Variants in ERG observed in about 807,000 individuals in gnomAD.
The protein encoded by ERG is transcriptional regulator ERG.
ERG carries 9 observed loss-of-function variants against 55.3 expected under a neutral mutation model. That is an observed-to-expected ratio of 0.16 (90% CI 0.10 to 0.28). The LOEUF (loss-of-function observed/expected upper bound fraction) is 0.28. Among genes scored for constraint, ERG ranks in the 10% least tolerant of loss-of-function variants. The pLI, the probability that ERG is intolerant of heterozygous loss-of-function variation, is 1.00. For synonymous variants in ERG, 223 were observed against 237.3 expected (o/e 0.94, Z 0.55); for missense variants, 434 against 631.6 (o/e 0.69, Z 3.35).
intron 2 of ERG, among the ~76,000 whole-genome samples, chr21:38,523,909 G>A (rs1213480288): frequency 6.6e-6 from 1 of 152,166 alleles, no homozygotes; most frequent in East Asian, 1.9e-4. Flanking sequence ...CTCATAAACA[G>A]AAACAGAGAG....
intron 1 of ERG, among the ~76,000 whole-genome samples, chr21:38,482,381 A>C (rs1478688794): frequency 1.3e-5 from 2 of 152,226 alleles, no homozygotes; most frequent in Admixed American, 1.3e-4. Context: ...GTTGGCGAGA[A>C]TGTGAGAAAA....
chr21:38,551,123 T>G (rs1669408527), intron 2 of ERG, among the ~76,000 whole-genome samples: 2 of 152,002 alleles, frequency 1.3e-5, no homozygotes, highest in African/African-American at 4.8e-5. Flanking sequence ...TTTTCTAATT[T>G]TTGTGCACAG....
intron 2 of ERG, among the ~76,000 whole-genome samples, chr21:38,560,397 C>A (rs113961856): frequency 6.6e-6 from 1 of 152,274 alleles, no homozygotes. Context: ...CAGCCCTGAG[C>A]CAATCACTGA....
At chr21:38,508,020 A>C (rs112074884) in intron 2 of ERG, among the ~76,000 whole-genome samples, 133 of 1,796 alleles carry the variant, frequency 0.074, 21 homozygotes, top group Non-Finnish European at 0.11. Context: ...GAGACACACA[A>C]ACACACATGC....
At chr21:38,436,647 T>C (rs1462657294) in intron 2 of ERG, among the ~76,000 whole-genome samples, 1 of 152,218 alleles carries the variant, frequency 6.6e-6, no homozygotes, top group Non-Finnish European at 1.5e-5. Flanking sequence ...TCATAGATGT[T>C]TGAGAAAACT....
chr21:38,562,981 G>C (rs1259926024), intron 2 of ERG, among the ~76,000 whole-genome samples: 1 of 152,152 alleles, frequency 6.6e-6, no homozygotes, highest in Admixed American at 6.6e-5. Context: ...AAGACGAGGA[G>C]GAAGCTTAAA....
At position 38,450,336 on chromosome 21, in the gene ERG, C is replaced by T. The variant is rs532154135; in HGVS notation, c.19-4715G>A. On this transcript the variant is annotated intron_variant, in intron 1 of 9. Transcript: ENST00000288319. The stretch of plus-strand genomic sequence containing the variant: ...GAGGTTGCAGTGAGCCGGGATCACG[C>T]GACTGCACTCCAGCCGAGGTGACAG... Among the ~76,000 whole-genome samples, 67 of 151,676 alleles carry T rather than the reference C, an allele frequency of 4.4e-4. 2 individuals carry two copies. The highest frequency in any genetic ancestry group is 1.9e-4 in the East Asian group (1 of 5,148).
At chr21:38,449,637 A>G (rs1036770211) in intron 1 of ERG, among the ~76,000 whole-genome samples, 3 of 152,218 alleles carry the variant, frequency 2.0e-5, no homozygotes, top group African/African-American at 7.2e-5. Flanking sequence ...GCATACTGAC[A>G]TTTTCAGCAA....
chr21:38,516,442 A>T (rs1413624773), intron 2 of ERG, among the ~76,000 whole-genome samples: 1 of 152,012 alleles, frequency 6.6e-6, no homozygotes, highest in Non-Finnish European at 1.5e-5. Flanking sequence ...AAACTACAAA[A>T]CACTAATGAA....
At chr21:38,400,159 G>A in intron 6 of ERG, 1 of 404,770 alleles carries the variant, frequency 2.5e-6, no homozygotes, top group Non-Finnish European at 4.7e-6. Context: ...ACTACTGGTT[G>A]CATGCTTCTG....
chr21:38,548,298 A>C (rs896897354), intron 2 of ERG, among the ~76,000 whole-genome samples: 1 of 152,128 alleles, frequency 6.6e-6, no homozygotes, highest in Admixed American at 6.6e-5. Flanking sequence ...AACAGCTTTT[A>C]TTTTATTGTG....
chr21:38,455,584 T>C (rs1251381222), intron 1 of ERG, among the ~76,000 whole-genome samples: 1 of 152,180 alleles, frequency 6.6e-6, no homozygotes, highest in Non-Finnish European at 1.5e-5. Context: ...GCATCTGGAA[T>C]GTGTCTCATC....
rs753079929 is a variant in ERG at position 38,383,635 on chromosome 21, G to A, written c.1208C>T (p.Pro403Leu). ...HGIAQALQPH[P>L]PESSLYKYPS... ...GTACTTGTACAGAGATGACTCCGGG[G>A]GGTGGGGCTGGAGGGCCTGGGCGAT... Residue 403 changes from proline (P) to leucine (L), a missense_variant, in exon 10 of 10, where the codon CCC becomes CTC. By Grantham distance (98) the Pro-to-Leu change is moderately conservative (BLOSUM62 -3). This residue lies in a region of ERG where 107 missense variants were observed against 126.8 expected (regional missense o/e 0.84). Transcript: ENST00000288319. The surrounding 1 kb of genome is among the most constrained non-coding windows in gnomAD (Gnocchi z 5.7). 6.2e-7 allele frequency: 1 copy of A among 1,614,168 alleles called. No individual in the cohort carries two copies. The highest frequency in any genetic ancestry group is 8.5e-7 in the Non-Finnish European group (1 of 1,180,022).
chr21:38,596,530 G>A (rs2060132586), intron 1 of ERG, among the ~76,000 whole-genome samples: 1 of 152,178 alleles, frequency 6.6e-6, no homozygotes, highest in African/African-American at 2.4e-5. Flanking sequence ...CAGGAAGAGT[G>A]GAAAGATTAA....
At chr21:38,368,017 A>G in the ERG span, among the ~76,000 whole-genome samples, 3 of 152,318 alleles carry the variant, frequency 2.0e-5, no homozygotes, top group East Asian at 3.9e-4. Flanking sequence ...TTTCCATATT[A>G]TTTAAAAAAT....
chr21:38,543,364 T>TAA (rs57245755), intron 2 of ERG, among the ~76,000 whole-genome samples: 181 of 148,840 alleles, frequency 1.2e-3, no homozygotes, highest in South Asian at 4.4e-3. Flanking sequence ...TGTTTTTTTT[T>TAA]AAAAAAAAAG....
intron 3 of ERG, among the ~76,000 whole-genome samples, chr21:38,411,631 C>G (rs978416389): frequency 1.6e-4 from 25 of 152,066 alleles, no homozygotes; most frequent in African/African-American, 6.0e-4. Flanking sequence ...TAAAAAGTTC[C>G]GGTTTGTTAC....
chr21:38,593,264 A>T (rs1412424507), intron 1 of ERG, among the ~76,000 whole-genome samples: 1 of 152,266 alleles, frequency 6.6e-6, no homozygotes, highest in Non-Finnish European at 1.5e-5. Flanking sequence ...GGCGGATGAC[A>T]TCAAGAAAGT....
intron 2 of ERG, among the ~76,000 whole-genome samples, chr21:38,531,254 A>G (rs2059670396): frequency 6.6e-6 from 1 of 152,236 alleles, no homozygotes. Flanking sequence ...TGGAATAATC[A>G]GAAACAGCTC....
Sources: allele counts gnomAD v4.1 joint callset (sites outside exome capture counted in the v4.1 genomes callset), GRCh38; gene constraint gnomAD v4.1.1; regional missense constraint gnomAD v4.1.1; non-coding constraint Gnocchi (gnomAD v3.1); transcripts MANE v1.5; gene names NCBI Gene and HGNC (gene_info 2026-07-23, HGNC 2026-07-21).